Variants in ZNF609 observed in about 807,000 individuals in gnomAD.
The protein encoded by ZNF609 is zinc finger protein 609.
In ZNF609, 11 loss-of-function variants were observed where a neutral mutation model predicts 109.5. The ratio of observed to expected loss-of-function variants is 0.10; its 90% CI spans 0.06 to 0.17. The LOEUF (loss-of-function observed/expected upper bound fraction) is 0.17, where lower values mean the gene tolerates loss of function less well. Among genes scored for constraint, ZNF609 ranks in the 10% least tolerant of loss-of-function variants. The pLI, the probability that ZNF609 is intolerant of heterozygous loss-of-function variation, is 1.00. For synonymous variants in ZNF609, 646 were observed against 662.0 expected (o/e 0.98, Z 0.37); for missense variants, 1,559 against 1,772.4 (o/e 0.88, Z 2.16).
At chr15:64,581,107 C>T (rs1734717672) in intron 2 of ZNF609, among the ~76,000 whole-genome samples, 1 of 151,858 alleles carries the variant, frequency 6.6e-6, no homozygotes, top group Admixed American at 6.6e-5. Context: ...CACACTGTGA[C>T]CTTGAACTCC....
chr15:64,477,136 CTTTTTTT>C (rs911785223), intron 1 of ZNF609, among the ~76,000 whole-genome samples: 4 of 105,768 alleles, frequency 3.8e-5, no homozygotes, highest in East Asian at 2.6e-4. Context: ...TCTTCTCTTT[CTTTTTTT>C]TTTTTTTTTT....
At chr15:64,654,465 A>G (rs1896461297) in intron 3 of ZNF609, 1 of 151,956 alleles carries the variant, frequency 6.6e-6, no homozygotes, top group Non-Finnish European at 1.5e-5. Flanking sequence ...TATTTTATAT[A>G]TATTTTTTCT....
chr15:64,473,140 T>C (rs994846533), intron 1 of ZNF609, among the ~76,000 whole-genome samples: 2 of 151,952 alleles, frequency 1.3e-5, no homozygotes, highest in African/African-American at 2.4e-5. Context: ...CCTTGAAGCA[T>C]TGCTGTTCTT....
chr15:64,616,005 A>C (rs1480391349), intron 2 of ZNF609, among the ~76,000 whole-genome samples: 1 of 152,110 alleles, frequency 6.6e-6, no homozygotes, highest in Non-Finnish European at 1.5e-5. Flanking sequence ...GTCTATCTCA[A>C]ATATCTCTTC....
intron 3 of ZNF609, among the ~76,000 whole-genome samples, chr15:64,656,935 C>T (rs540661945): frequency 2.2e-4 from 34 of 152,292 alleles, no homozygotes; most frequent in South Asian, 6.2e-4. Flanking sequence ...TTTGAATCTT[C>T]AGTAGCACTT....
At chr15:64,600,731 A>G (rs940492124) in intron 2 of ZNF609, among the ~76,000 whole-genome samples, 1 of 151,826 alleles carries the variant, frequency 6.6e-6, no homozygotes, top group African/African-American at 2.4e-5. Flanking sequence ...AAGAAAGAAA[A>G]AAAAGAAAAA....
At chr15:64,646,939 CAAAAAAA>C (rs10628744) in intron 3 of ZNF609, among the ~76,000 whole-genome samples, 5 of 59,804 alleles carry the variant, frequency 8.4e-5, no homozygotes, top group Admixed American at 2.0e-4. Context: ...GACTCTGTCT[CAAAAAAA>C]AAAAAAAAAA....
chr15:64,509,563 C>G (rs1348952593), intron 2 of ZNF609, among the ~76,000 whole-genome samples: 1 of 152,166 alleles, frequency 6.6e-6, no homozygotes, highest in Non-Finnish European at 1.5e-5. Flanking sequence ...TATTCCAGCT[C>G]CTACTGATTT....
At chr15:64,464,647 C>A (rs559152017) in intron 1 of ZNF609, among the ~76,000 whole-genome samples, 34 of 151,418 alleles carry the variant, frequency 2.2e-4, no homozygotes, top group African/African-American at 7.5e-4. Context: ...ATTAAATATG[C>A]CTTCATGATA....
At chr15:64,576,185 C>G (rs1894949980) in intron 2 of ZNF609, among the ~76,000 whole-genome samples, 1 of 151,996 alleles carries the variant, frequency 6.6e-6, no homozygotes, top group Admixed American at 6.6e-5. Context: ...CTTGAGAAAC[C>G]AAAACCCCTG....
Position 64,678,389 on chromosome 15 carries a change from C to T in ZNF609, c.3676C>T (p.Pro1226Ser). 4 of 1,613,936 alleles carry T rather than the reference C, an allele frequency of 2.5e-6. No homozygotes were observed. Among genetic ancestry groups the T allele is most frequent in the Non-Finnish European group, 2.5e-6 (3 of 1,179,916 alleles). ...ACTTACCCAGCACCAGTCCTACATC[C>T]CCTACATGCACGGCTATTCCTACAG... ...SPLTQHQSYIPYMHGYSYSQS... is the reference protein window; with the variant it reads ...SPLTQHQSYISYMHGYSYSQS... Residue 1226 changes from proline (P) to serine (S), a missense_variant, in exon 6 of 10, where the codon CCC becomes TCC. By Grantham distance (74) the Pro-to-Ser change is moderately conservative. Coordinates refer to ENST00000326648, the MANE Select transcript of ZNF609 (RefSeq NM_015042.2).
chr15:64,484,809 A>G (rs1157926236), intron 1 of ZNF609, among the ~76,000 whole-genome samples: 1 of 150,346 alleles, frequency 6.7e-6, no homozygotes. Context: ...CCCCATCTCT[A>G]CTAAAAATAC....
intron 2 of ZNF609, among the ~76,000 whole-genome samples, chr15:64,509,275 A>G (rs769487887): frequency 4.6e-5 from 7 of 152,254 alleles, no homozygotes; most frequent in Non-Finnish European, 8.8e-5. Context: ...AAGATATTCA[A>G]AAAAGACCCA....
intron 2 of ZNF609, among the ~76,000 whole-genome samples, chr15:64,525,113 T>C (rs1893952018): frequency 1.3e-5 from 2 of 152,228 alleles, no homozygotes; most frequent in African/African-American, 4.8e-5. Context: ...TTGTATATCT[T>C]CTTTGAAGAT....
chr15:64,484,487 C>A (rs1893302781), intron 1 of ZNF609, among the ~76,000 whole-genome samples: 1 of 151,806 alleles, frequency 6.6e-6, no homozygotes, highest in South Asian at 2.1e-4. Context: ...GCCAGCCTGG[C>A]CAACATGGTG....
chr15:64,564,744 T>A (rs1008154716), intron 2 of ZNF609, among the ~76,000 whole-genome samples: 3 of 152,114 alleles, frequency 2.0e-5, no homozygotes, highest in African/African-American at 7.2e-5. Flanking sequence ...CAGATACGTA[T>A]AAGAGCATGT....
chr15:64,542,305 C>G (rs555997394), intron 2 of ZNF609, among the ~76,000 whole-genome samples: 1 of 152,210 alleles, frequency 6.6e-6, no homozygotes, highest in Non-Finnish European at 1.5e-5. Flanking sequence ...AAACTATAGA[C>G]GTAATTTTGC....
intron 2 of ZNF609, among the ~76,000 whole-genome samples, chr15:64,545,944 T>G (rs960409662): frequency 5.9e-5 from 9 of 152,220 alleles, no homozygotes; most frequent in Non-Finnish European, 2.9e-5. Flanking sequence ...CTGGCTATTA[T>G]AAATAAAGGT....
At position 64,678,191 on chromosome 15, in the gene ZNF609, AAGG is replaced by A. The variant is rs1172951503; in HGVS notation, c.3484_3486del (p.Glu1162del). ...CATCAAGTCAGAGGATGAGCGGTGG[AAGG>A]AGGAGCGGGACCGCAAATTGAAGGA... On this transcript the variant is annotated inframe_deletion, in exon 6 of 10. Coordinates refer to ENST00000326648, the MANE Select transcript of ZNF609 (RefSeq NM_015042.2). 5.6e-6 allele frequency: 9 copies of A among 1,614,118 alleles called. No individual in the cohort carries two copies. The highest frequency in any genetic ancestry group is 2.2e-5 in the South Asian group (2 of 91,078).
Sources: allele counts gnomAD v4.1 joint callset (sites outside exome capture counted in the v4.1 genomes callset), GRCh38; gene constraint gnomAD v4.1.1; transcripts MANE v1.5; gene names NCBI Gene and HGNC (gene_info 2026-07-23, HGNC 2026-07-21).